The following TMEM74 variants were observed in gnomAD, a reference collection of about 807,000 sequenced individuals.
TMEM74 encodes transmembrane protein 74.
In TMEM74, 13 loss-of-function variants were observed where a neutral mutation model predicts 18.1. That is an observed-to-expected ratio of 0.72 (90% CI 0.47 to 1.14). The LOEUF (loss-of-function observed/expected upper bound fraction) is 1.14, where lower values mean the gene tolerates loss of function less well. Among genes scored for constraint, TMEM74 ranks in the 50% most tolerant of loss-of-function variants. The pLI is 0.00. For missense variants in TMEM74, 372 were observed against 375.9 expected, an observed-to-expected ratio of 0.99 and a Z score of 0.09; for synonymous variants, 159 against 146.6, an observed-to-expected ratio of 1.08 and a Z score of -0.61.
At chr8:108,699,185 C>CT (rs1415357507) in intron 1 of TMEM74, among the ~76,000 whole-genome samples, 11,432 of 85,212 alleles carry the variant, frequency 0.13, 686 homozygotes, top group East Asian at 0.2. Context: ...TCCTTCCTTC[C>CT]TCCCTCCCTC....
At chr8:108,616,538 A>T (rs77189576) in intron 2 of TMEM74, among the ~76,000 whole-genome samples, 1 of 152,208 alleles carries the variant, frequency 6.6e-6, no homozygotes, top group Non-Finnish European at 1.5e-5. Context: ...GATATATAAA[A>T]TAGGGCAAGA....
At chr8:108,655,021 C>A (rs1185846740) in intron 2 of TMEM74, among the ~76,000 whole-genome samples, 1 of 152,106 alleles carries the variant, frequency 6.6e-6, no homozygotes, top group African/African-American at 2.4e-5. Context: ...GATTGGTAGT[C>A]ATTTTTTTAT....
intron 1 of TMEM74, among the ~76,000 whole-genome samples, chr8:108,710,361 G>A (rs1323418819): frequency 2.0e-5 from 3 of 152,172 alleles, no homozygotes; most frequent in Non-Finnish European, 4.4e-5. Context: ...GATGAACTGT[G>A]CCAGAATCTC....
At chr8:108,669,518 T>C (rs2130588288) in intron 1 of TMEM74, among the ~76,000 whole-genome samples, 1 of 152,306 alleles carries the variant, frequency 6.6e-6, no homozygotes, top group South Asian at 2.1e-4. Flanking sequence ...TATCCTTCAA[T>C]TCTTGGTAGT....
intron 1 of TMEM74, among the ~76,000 whole-genome samples, chr8:108,664,869 C>T (rs947627785): frequency 1.3e-5 from 2 of 152,088 alleles, no homozygotes; most frequent in East Asian, 1.9e-4. Flanking sequence ...GCTATTTTGA[C>T]TCTACAATAT....
chr8:108,648,479 G>A (rs1563740042), intron 2 of TMEM74, among the ~76,000 whole-genome samples: 1 of 152,122 alleles, frequency 6.6e-6, no homozygotes, highest in African/African-American at 2.4e-5. Flanking sequence ...CAGGACCTGT[G>A]AATATGTTAT....
intron 1 of TMEM74, among the ~76,000 whole-genome samples, chr8:108,657,856 AAAAATATATATATAT>A (rs1338023859): frequency 1.1e-4 from 8 of 69,810 alleles, no homozygotes; most frequent in East Asian, 5.3e-4. Flanking sequence ...AAAAAAAAAA[AAAAATATATATATAT>A]ATATATATAT....
intron 1 of TMEM74, among the ~76,000 whole-genome samples, chr8:108,719,916 A>C (rs898069453): frequency 1.3e-5 from 2 of 152,182 alleles, no homozygotes; most frequent in Admixed American, 1.3e-4. Context: ...AGGTAGTATA[A>C]TCTTCCACTG....
chr8:108,694,168 G>A (rs2935801), intron 1 of TMEM74, among the ~76,000 whole-genome samples: 104,154 of 152,092 alleles, frequency 0.68, 36,106 homozygotes, highest in East Asian at 0.86. Flanking sequence ...ATGTGAAATT[G>A]ACCACTTTAA....
chr8:108,714,948 T>C (rs1813508941), intron 1 of TMEM74, among the ~76,000 whole-genome samples: 1 of 152,186 alleles, frequency 6.6e-6, no homozygotes, highest in Non-Finnish European at 1.5e-5. Flanking sequence ...CCTTTACATA[T>C]TGAAAAATCA....
chr8:108,608,133 C>T (rs992321466), intron 3 of TMEM74, among the ~76,000 whole-genome samples: 2 of 151,794 alleles, frequency 1.3e-5, no homozygotes, highest in Admixed American at 6.6e-5. Context: ...GAAACTCCAT[C>T]GCTACTAAAA....
At chr8:108,662,300 A>G (rs764811142) in intron 1 of TMEM74, among the ~76,000 whole-genome samples, 1 of 152,064 alleles carries the variant, frequency 6.6e-6, no homozygotes, top group Non-Finnish European at 1.5e-5. Flanking sequence ...AGAGGTAGGG[A>G]CACCTAGAGA....
chr8:108,763,240 C>T (rs1450981032), intron 1 of TMEM74, among the ~76,000 whole-genome samples: 1 of 151,862 alleles, frequency 6.6e-6, no homozygotes, highest in Admixed American at 6.6e-5. Context: ...TTAGACCATC[C>T]CACATAAAGT....
At chr8:108,675,169 T>C (rs1383308780) in intron 1 of TMEM74, among the ~76,000 whole-genome samples, 1 of 152,190 alleles carries the variant, frequency 6.6e-6, no homozygotes, top group Non-Finnish European at 1.5e-5. Context: ...CTGTGGCAGC[T>C]GGCTCAGCAG....
intron 1 of TMEM74, among the ~76,000 whole-genome samples, chr8:108,715,432 G>GAA (rs377053356): frequency 6.7e-6 from 1 of 149,624 alleles, no homozygotes; most frequent in African/African-American, 2.5e-5. Flanking sequence ...AGCGGAAAAA[G>GAA]AAAAAAAAAT....
chr8:108,740,241 G>A (rs1177688801), intron 1 of TMEM74, among the ~76,000 whole-genome samples: 1 of 152,052 alleles, frequency 6.6e-6, no homozygotes, highest in East Asian at 1.9e-4. Context: ...GGCTAACATG[G>A]GGTTTCTCAC....
chr8:108,707,346 C>T (rs149917348), intron 1 of TMEM74, among the ~76,000 whole-genome samples: 122 of 151,904 alleles, frequency 8.0e-4, no homozygotes, highest in African/African-American at 2.9e-3. Flanking sequence ...AAAAAAAATC[C>T]CTTATCCCCA....
intron 2 of TMEM74, among the ~76,000 whole-genome samples, chr8:108,622,536 G>A (rs550772639): frequency 1.3e-5 from 2 of 152,168 alleles, no homozygotes; most frequent in South Asian, 4.2e-4. Context: ...ATTGAAGCTT[G>A]TGTTGAGTTC....
At chr8:108,620,520 C>T (rs1232008437) in intron 2 of TMEM74, among the ~76,000 whole-genome samples, 1 of 152,084 alleles carries the variant, frequency 6.6e-6, no homozygotes, top group East Asian at 1.9e-4. Context: ...CGGATATTCC[C>T]ACATCATTAT....
Sources: gnomAD v4.1 joint callset for allele counts (sites outside exome capture counted in the v4.1 genomes callset) on GRCh38, gnomAD v4.1.1 for gene constraint, MANE v1.5 for transcripts, NCBI Gene and HGNC (gene_info 2026-07-23, HGNC 2026-07-21) for gene names.